The following TRIM42 variants were observed in gnomAD, a reference collection of about 807,000 sequenced individuals.
TRIM42 encodes tripartite motif containing 42, also known as tripartite motif-containing protein 42.
Under a neutral mutation model 64.9 loss-of-function variants are expected in TRIM42, and 59 were observed. The ratio of observed to expected loss-of-function variants is 0.91; its 90% CI spans 0.74 to 1.13. The LOEUF is 1.13. Among genes scored for constraint, TRIM42 ranks in the 50% most tolerant of loss-of-function variants. The pLI is 0.00. For missense variants in TRIM42, 878 were observed against 929.5 expected, an observed-to-expected ratio of 0.94 and a Z score of 0.72; for synonymous variants, 354 against 346.3, an observed-to-expected ratio of 1.02 and a Z score of -0.25.
chr3:140,694,042 G>T (rs1357443063), intron 4 of TRIM42, among the ~76,000 whole-genome samples: 1 of 152,196 alleles, frequency 6.6e-6, no homozygotes, highest in Non-Finnish European at 1.5e-5. Flanking sequence ...GATGAGTTGA[G>T]TGGACACCTT....
chr3:140,688,192 C>T lies in TRIM42; in HGVS notation c.1510C>T (p.Leu504=), dbSNP rs749053720. ...GAAGGTACGCTCCTCAGGGGACTCC[C>T]TGCCCTCCCCCTACCCCGTGCACTC... ...PKKVRSSGDS[L]PSPYPVHSET... Residue 504 remains leucine (L), a synonymous_variant, in exon 3 of 5, where the codon CTG becomes TTG. Coordinates refer to ENST00000286349, the MANE Select transcript of TRIM42 (RefSeq NM_152616.5). 1 of 1,614,214 alleles carries T rather than the reference C, an allele frequency of 6.2e-7. No homozygotes were observed.
intron 1 of TRIM42, among the ~76,000 whole-genome samples, chr3:140,679,054 A>ACC (rs61681806): frequency 0.15 from 23,097 of 150,544 alleles, 2,331 homozygotes; most frequent in East Asian, 0.41. Flanking sequence ...CGGAGACAAT[A>ACC]CCCCCCCCAT....
chr3:140,678,487 C>G lies in TRIM42; in HGVS notation c.258C>G (p.Leu86=), dbSNP rs1251706499. 4.3e-6 allele frequency: 7 copies of G among 1,614,160 alleles called. No homozygotes were observed. Among genetic ancestry groups the G allele is most frequent in the Non-Finnish European group, 5.1e-6 (6 of 1,180,018 alleles). The part of the protein sequence containing the change: ...CKCCCTASSN[L]NCYYYESRCC... ...GCTGCTGCACAGCCAGCAGCAATCT[C>G]AACTGCTACTACTATGAGAGCCGCT... Residue 86 remains leucine (L), a synonymous_variant, in exon 1 of 5, where the codon CTC becomes CTG. Transcript: ENST00000286349.
Position 140,700,908 on chromosome 3 carries a change from T to G in TRIM42, c.2106T>G (p.His702Gln). The G allele has an allele frequency of 6.2e-7, 1 of 1,614,122 alleles. No homozygotes were observed. The highest frequency in any genetic ancestry group is 8.5e-7 in the Non-Finnish European group (1 of 1,179,960). Residue 702 changes from histidine (H) to glutamine (Q), a missense_variant, in exon 5 of 5, where the codon CAT (histidine) becomes CAG (glutamine). His to Gln is a conservative substitution (Grantham distance 24). Transcript: ENST00000286349. Reference sequence around the variant, plus strand: ...TGCAGGTGGTAACACCAGATGGACATGGGAAGAACCGAGCTAAGTGGGGCC... The same window carrying G: ...TGCAGGTGGTAACACCAGATGGACAGGGGAAGAACCGAGCTAAGTGGGGCC... ...DICKVVTPDG[H>Q]GKNRAKWGLL...
intron 3 of TRIM42, among the ~76,000 whole-genome samples, chr3:140,690,367 G>C (rs1988672301): frequency 1.3e-5 from 2 of 151,560 alleles, no homozygotes; most frequent in Non-Finnish European, 2.9e-5. Flanking sequence ...TTATTTATTA[G>C]AGTATAAAAT....
Position 140,688,250 on chromosome 3 carries a change from G to C in TRIM42, c.1568G>C (p.Ser523Thr), listed in dbSNP as rs752146296. 6.2e-7 allele frequency: 1 copy of C among 1,614,146 alleles called. No individual in the cohort carries two copies. The highest frequency in any genetic ancestry group is 8.5e-7 in the Non-Finnish European group (1 of 1,180,030). The change falls in exon 3 of 5, where the codon AGC (serine) becomes ACC (threonine). Residue 523 changes from serine (S) to threonine (T), a missense_variant. Transcript: ENST00000286349. ...ETMIARKVTF[S>T]THSLGNQHIY... Reference sequence around the variant, plus strand: ...ATGATTGCCAGGAAGGTCACTTTCAGCACCCACAGCCTCGGCAACCAGCAC... The same window carrying C: ...ATGATTGCCAGGAAGGTCACTTTCACCACCCACAGCCTCGGCAACCAGCAC...
chr3:140,688,195 C>A lies in TRIM42; in HGVS notation c.1513C>A (p.Pro505Thr), dbSNP rs1222702667. 5 of 1,614,062 alleles carry A rather than the reference C, an allele frequency of 3.1e-6. No individual in the cohort carries two copies. The highest frequency in any genetic ancestry group is 2.2e-5 in the East Asian group (1 of 44,898). Reference protein sequence around the residue: ...KKVRSSGDSLPSPYPVHSETM... With the variant: ...KKVRSSGDSLTSPYPVHSETM... ...GGTACGCTCCTCAGGGGACTCCCTG[C>A]CCTCCCCCTACCCCGTGCACTCAGA... Residue 505 changes from proline to threonine, a missense_variant, in exon 3 of 5, where the codon CCC becomes ACC. By Grantham distance (38) the Pro-to-Thr change is conservative. Coordinates refer to ENST00000286349, the MANE Select transcript of TRIM42 (RefSeq NM_152616.5).
chr3:140,685,308 T>C (rs1382378263), intron 2 of TRIM42, among the ~76,000 whole-genome samples: 1 of 152,168 alleles, frequency 6.6e-6, no homozygotes, highest in East Asian at 1.9e-4. Flanking sequence ...CCCTGTCCCA[T>C]CCACATAGAG....
At chr3:140,678,592 T>C in intron 1 of TRIM42, 22 bp downstream of exon 1, 1 of 1,594,582 alleles carries the variant, frequency 6.3e-7, no homozygotes, top group Admixed American at 1.7e-5. Flanking sequence ...GCACCAGATG[T>C]GGGGCCGCAT....
intron 1 of TRIM42, among the ~76,000 whole-genome samples, chr3:140,681,747 C>A (rs929785324): frequency 6.6e-6 from 1 of 151,758 alleles, no homozygotes; most frequent in Admixed American, 6.6e-5. Context: ...GTGTAAGGTA[C>A]CTTGAAAAGT....
Position 140,678,203 on chromosome 3 carries a change from G to A in TRIM42, c.-27G>A. 1 of 1,594,632 alleles carries A rather than the reference G, an allele frequency of 6.3e-7. No individual in the cohort carries two copies. The highest frequency in any genetic ancestry group is 8.6e-7 in the Non-Finnish European group (1 of 1,165,492). Reference sequence around the variant, plus strand: ...GTAGAGGAGGCATCAAGAGTCCTGGGAGGCCGGTGGTAATCATGTAGGCAC... The same window carrying A: ...GTAGAGGAGGCATCAAGAGTCCTGGAAGGCCGGTGGTAATCATGTAGGCAC... On this transcript the variant is annotated 5_prime_UTR_variant, in exon 1 of 5. Transcript: ENST00000286349.
chr3:140,679,739 A>G (rs1488815803), intron 1 of TRIM42, among the ~76,000 whole-genome samples: 3 of 152,150 alleles, frequency 2.0e-5, no homozygotes, highest in Non-Finnish European at 4.4e-5. Context: ...TGCAACAGCA[A>G]CTGAACCTCT....
rs574747515 is a variant in TRIM42 at position 140,682,645 on chromosome 3, G to C, written c.525G>C (p.Lys175Asn). 2.5e-6 allele frequency: 4 copies of C among 1,613,698 alleles called. No homozygotes were observed. In the African/African-American group the frequency reaches 4.0e-5, roughly 16 times the overall value. The change falls in exon 2 of 5, where the codon AAG (lysine) becomes AAC (asparagine). Residue 175 changes from lysine to asparagine, a missense_variant. Physicochemically the swap from Lys to Asn is moderately conservative, Grantham distance 94. Coordinates refer to ENST00000286349, the MANE Select transcript of TRIM42 (RefSeq NM_152616.5). ...LCEKCLRQLQ[K>N]HAEVTENFFI... ...AGAAGTGCCTGCGGCAGCTGCAGAA[G>C]CACGCCGAGGTCACCGAGAACTTCT... is the stretch of plus-strand genomic sequence containing the variant.
intron 4 of TRIM42, among the ~76,000 whole-genome samples, chr3:140,699,722 A>C (rs1430077089): frequency 6.6e-6 from 1 of 152,204 alleles, no homozygotes; most frequent in Non-Finnish European, 1.5e-5. Flanking sequence ...TATCTTGGAC[A>C]TTATTTATAC....
At position 140,682,994 on chromosome 3, in the gene TRIM42, C is replaced by T. The variant is rs761251489; in HGVS notation, c.874C>T (p.His292Tyr). The change falls in exon 2 of 5, where the codon CAC (histidine) becomes TAC (tyrosine). Residue 292 changes from histidine (H) to tyrosine (Y), a missense_variant. By Grantham distance (83) the His-to-Tyr change is moderately conservative. Transcript: ENST00000286349. Reference protein sequence around the residue: ...AEEQDEKICIHHPSSRIIEYC... With the variant: ...AEEQDEKICIYHPSSRIIEYC... ...GGAACAGGACGAGAAGATCTGCATC[C>T]ACCACCCATCCAGCCGCATCATCGA... 4.9e-5 allele frequency: 79 copies of T among 1,614,140 alleles called. No individual in the cohort carries two copies. Among genetic ancestry groups the T allele is most frequent in the Non-Finnish European group, 6.4e-5 (76 of 1,180,050 alleles).
chr3:140,699,414 G>T (rs75344001), intron 4 of TRIM42, among the ~76,000 whole-genome samples: 14,492 of 152,152 alleles, frequency 0.095, 802 homozygotes, highest in Non-Finnish European at 0.12. Flanking sequence ...AATTCATCTG[G>T]AAAGCAATAT....
chr3:140,696,136 C>G (rs147491515), intron 4 of TRIM42, among the ~76,000 whole-genome samples: 32 of 152,294 alleles, frequency 2.1e-4, no homozygotes, highest in African/African-American at 7.5e-4. Context: ...CTGATCTATA[C>G]AAAGCCCTAT....
chr3:140,692,733 G>A (rs1988754907), intron 4 of TRIM42, among the ~76,000 whole-genome samples: 1 of 152,144 alleles, frequency 6.6e-6, no homozygotes, highest in Admixed American at 6.5e-5. Context: ...AGCATGGAAT[G>A]CCCGTGGCTG....
intron 3 of TRIM42, among the ~76,000 whole-genome samples, chr3:140,690,660 G>T (rs1489514174): frequency 2.0e-5 from 3 of 149,826 alleles, no homozygotes; most frequent in South Asian, 4.2e-4. Context: ...TATTATGAGT[G>T]ATGTTTATTT....
Sources: allele counts gnomAD v4.1 joint callset (sites outside exome capture counted in the v4.1 genomes callset), GRCh38; gene constraint gnomAD v4.1.1; transcripts MANE v1.5; gene names NCBI Gene and HGNC (gene_info 2026-07-23, HGNC 2026-07-21).